The following SRGAP2 variants were observed in gnomAD, a reference collection of about 807,000 sequenced individuals.
SRGAP2 encodes the protein SLIT-ROBO Rho GTPase activating protein 2.
A neutral mutation model predicts 57.2 loss-of-function variants in SRGAP2; 15 were observed. The observed-to-expected ratio is 0.26, with a 90% CI of 0.18 to 0.40. The LOEUF (loss-of-function observed/expected upper bound fraction) is 0.40. Ranked by LOEUF, SRGAP2 falls within the 10% of genes least tolerant of loss-of-function variation. The probability of loss-of-function intolerance (pLI) is 1.00; values close to 1 mark genes in which losing one functional copy is unlikely to be tolerated. For missense variants in SRGAP2, 520 were observed against 669.6 expected, an observed-to-expected ratio of 0.78 and a Z score of 2.47; for synonymous variants, 249 against 248.0, an observed-to-expected ratio of 1.00 and a Z score of -0.04.
chr1:206,210,998 G>A (rs1666280963), intron 2 of SRGAP2, among the ~76,000 whole-genome samples: 1 of 152,204 alleles, frequency 6.6e-6, no homozygotes, highest in South Asian at 2.1e-4. Context: ...GCAATTGAAA[G>A]ACCCTAGAGG....
intron 2 of SRGAP2, among the ~76,000 whole-genome samples, chr1:206,233,539 A>C (rs1214289612): frequency 7.0e-6 from 1 of 143,438 alleles, no homozygotes; most frequent in Non-Finnish European, 1.5e-5. Context: ...TCTGCTGCCT[A>C]GTTGCAGTTC....
intron 2 of SRGAP2, among the ~76,000 whole-genome samples, chr1:206,254,179 G>GTTTTT (rs373417477): frequency 6.0e-4 from 28 of 47,056 alleles, no homozygotes; most frequent in Non-Finnish European, 7.8e-4. Flanking sequence ...TGCTTTTTCT[G>GTTTTT]TTTTTTTTTT....
intron 13 of SRGAP2, among the ~76,000 whole-genome samples, chr1:206,428,206 GGA>G (rs1414805770): frequency 1.3e-5 from 2 of 152,106 alleles, no homozygotes; most frequent in Non-Finnish European, 2.9e-5. Context: ...CACGAGGTCA[GGA>G]GATCGAGACC....
intron 3 of SRGAP2, among the ~76,000 whole-genome samples, chr1:206,307,905 T>G (rs1220130578): frequency 6.6e-6 from 1 of 152,092 alleles, no homozygotes; most frequent in African/African-American, 2.4e-5. Flanking sequence ...GCTCCCACAG[T>G]GCAGGGGGGG....
intron 18 of SRGAP2, among the ~76,000 whole-genome samples, chr1:206,449,302 T>TTTTTTTTG: frequency 6.7e-6 from 1 of 150,100 alleles, no homozygotes; most frequent in Non-Finnish European, 1.5e-5. Context: ...TTTTTTTTTT[T>TTTTTTTTG]TTTTTTTTAG....
In SRGAP2 at chr1:206,416,191, G is replaced by A. The variant is rs183245727; in HGVS notation, c.1441+218G>A. Among the ~76,000 whole-genome samples the A allele has an allele frequency of 7.9e-5, 12 of 152,350 alleles. No homozygotes were observed. The Middle Eastern group carries it at 0.02, about 259-fold the overall frequency. ...ATGAAGCACTAACGTGTATCATCTA[G>A]TTGTTTAAATGGAGCGTGCCTGCTC... On this transcript the variant is annotated intron_variant, in intron 11 of 22. Transcript: ENST00000573034.
intron 2 of SRGAP2, among the ~76,000 whole-genome samples, 170 bp from the exon 3 acceptor site, chr1:206,303,111 T>A (rs1671971064): frequency 7.6e-6 from 1 of 131,936 alleles, no homozygotes; most frequent in Non-Finnish European, 1.6e-5. Context: ...TTGGCATTTT[T>A]GGAGGTGCCT....
chr1:206,355,160 C>T (rs1266073687), intron 4 of SRGAP2, among the ~76,000 whole-genome samples: 1 of 152,120 alleles, frequency 6.6e-6, no homozygotes, highest in Non-Finnish European at 1.5e-5. Context: ...TTTTATGTCC[C>T]TTAAGTGTAC....
chr1:206,327,186 G>T (rs1673985652), intron 3 of SRGAP2, among the ~76,000 whole-genome samples: 1 of 152,112 alleles, frequency 6.6e-6, no homozygotes, highest in Non-Finnish European at 1.5e-5. Flanking sequence ...AATTAGCCGG[G>T]CATGGTGGCA....
chr1:206,350,930 T>A (rs1359508577), intron 4 of SRGAP2, among the ~76,000 whole-genome samples: 12 of 152,016 alleles, frequency 7.9e-5, no homozygotes, highest in Non-Finnish European at 8.8e-5. Context: ...ACATGTCCTT[T>A]TGCCATTAGT....
intron 13 of SRGAP2, among the ~76,000 whole-genome samples, chr1:206,422,962 AATAG>A (rs57044829): frequency 4.1e-4 from 62 of 152,364 alleles, no homozygotes; most frequent in African/African-American, 1.4e-3. Context: ...AGGAAGATAA[AATAG>A]ATAGTAAGTT....
At chr1:206,424,059 C>T (rs2103260362) in intron 13 of SRGAP2, among the ~76,000 whole-genome samples, 1 of 149,304 alleles carries the variant, frequency 6.7e-6, no homozygotes, top group Non-Finnish European at 1.5e-5. Flanking sequence ...TCCCAAAGTG[C>T]TGGGATTATA....
At position 206,454,318 on chromosome 1, in the gene SRGAP2, G is replaced by A. The variant is rs556404029; in HGVS notation, c.2361-560G>A. 3.1e-6 allele frequency: 2 copies of A among 640,572 alleles called. No homozygotes were observed. Among genetic ancestry groups the A allele is most frequent in the African/African-American group, 1.8e-5 (1 of 55,408 alleles). 39.7% of individuals were successfully genotyped at this position (640,572 alleles called of 1,614,324 possible). ...GGATCAAGAGAAGATGAATTGTGGGGGAGAAGGGGCTTTCTTTGTCATCAG... is the reference window on the plus strand; with the variant it reads ...GGATCAAGAGAAGATGAATTGTGGGAGAGAAGGGGCTTTCTTTGTCATCAG... On this transcript the variant is annotated intron_variant, in intron 20 of 22. Coordinates refer to ENST00000573034, the MANE Select transcript of SRGAP2 (RefSeq NM_015326.5). The surrounding 1 kb of genome is among the most constrained non-coding windows in gnomAD (Gnocchi z 4.3).
intron 12 of SRGAP2, among the ~76,000 whole-genome samples, chr1:206,419,773 G>A (rs1159909260): frequency 6.6e-6 from 1 of 151,150 alleles, no homozygotes; most frequent in Non-Finnish European, 1.5e-5. Flanking sequence ...GGGAGTCTCT[G>A]ACCCAGAGAA....
At position 206,454,395 on chromosome 1, in the gene SRGAP2, C is replaced by T; in HGVS notation, c.2361-483C>T. ...GAGAGACCTGGGACCGGCTTGGATG[C>T]TCTGAGCGGGGCTAGAGGCGCTACG... On this transcript the variant is annotated intron_variant, in intron 20 of 22. Transcript: ENST00000573034. This position sits in a 1 kb window ranked among gnomAD's most constrained non-coding sequence, Gnocchi z 4.3. The T allele has an allele frequency of 1.7e-6, 1 of 587,784 alleles. No individual in the cohort carries two copies. Among genetic ancestry groups the T allele is most frequent in the Non-Finnish European group, 3.0e-6 (1 of 330,870 alleles). The allele number at this position is 587,784 out of a possible 1,614,324, so 36.4% of individuals were successfully genotyped here. A position where few individuals can be genotyped will look rare whatever the true frequency, so the allele number is the denominator to read the frequency against.
chr1:206,250,466 G>A (rs1668767048), intron 2 of SRGAP2, among the ~76,000 whole-genome samples: 2 of 100,014 alleles, frequency 2.0e-5, no homozygotes, highest in South Asian at 3.9e-4. Flanking sequence ...CGATGACCCT[G>A]TAATGTGTGG....
At chr1:206,447,889 T>C (rs1406394648) in intron 18 of SRGAP2, among the ~76,000 whole-genome samples, 1 of 149,662 alleles carries the variant, frequency 6.7e-6, no homozygotes, top group Non-Finnish European at 1.5e-5. Context: ...TCCTCCAGTT[T>C]CCTCCAAGAT....
chr1:206,464,310 G>A lies in SRGAP2; in HGVS notation c.*2890G>A, dbSNP rs1479933029. The A allele has an allele frequency of 6.6e-6, 1 of 152,616 alleles. No individual in the cohort carries two copies. The highest frequency in any genetic ancestry group is 2.4e-5 in the African/African-American group (1 of 41,454). 9.5% of individuals were successfully genotyped at this position (152,616 alleles called of 1,614,324 possible). On this transcript the variant is annotated 3_prime_UTR_variant, in exon 23 of 23. Coordinates refer to ENST00000573034, the MANE Select transcript of SRGAP2 (RefSeq NM_015326.5). ...ATGGTATATTCTTTAAAATAGTGTT[G>A]ATAACTGGAATATTGTATGTATGCT...
At chr1:206,358,660 C>T (rs1676647496) in intron 4 of SRGAP2, among the ~76,000 whole-genome samples, 2 of 151,094 alleles carry the variant, frequency 1.3e-5, no homozygotes, top group South Asian at 4.2e-4. Flanking sequence ...TTTAAGTTCT[C>T]AGGCAAGGAA....
Sources: allele counts gnomAD v4.1 joint callset (sites outside exome capture counted in the v4.1 genomes callset), GRCh38; gene constraint gnomAD v4.1.1; non-coding constraint Gnocchi (gnomAD v3.1); transcripts MANE v1.5; gene names NCBI Gene and HGNC (gene_info 2026-07-23, HGNC 2026-07-21).